The following AHI1 variants were observed in gnomAD, a reference collection of about 807,000 sequenced individuals.
AHI1 encodes the protein jouberin.
In AHI1, 123 loss-of-function variants were observed where a neutral mutation model predicts 149.3. The observed-to-expected ratio is 0.82, with a 90% CI of 0.71 to 0.96. AHI1 has a LOEUF of 0.96. AHI1 is among the 40% of genes least tolerant of loss of function. The pLI, the probability that AHI1 is intolerant of heterozygous loss-of-function variation, is 0.00. For synonymous variants in AHI1, 475 were observed against 459.8 expected, an observed-to-expected ratio of 1.03 and a Z score of -0.42; for missense variants, 1,439 against 1,422.7, an observed-to-expected ratio of 1.01 and a Z score of -0.18.
chr6:135,438,757 C>T (rs992436608), intron 14 of AHI1, among the ~76,000 whole-genome samples: 2 of 151,972 alleles, frequency 1.3e-5, no homozygotes, highest in Non-Finnish European at 2.9e-5. Flanking sequence ...AAGAAATCCC[C>T]TAAGAATCTT....
intron 24 of AHI1, among the ~76,000 whole-genome samples, chr6:135,334,003 T>C (rs1788993787): frequency 6.6e-6 from 1 of 152,222 alleles, no homozygotes; most frequent in African/African-American, 2.4e-5. Context: ...TGCAATAATA[T>C]ATAGGAAAAG....
At chr6:135,289,968 T>A (rs1010510346) in intron 28 of AHI1, among the ~76,000 whole-genome samples, 2 of 151,602 alleles carry the variant, frequency 1.3e-5, no homozygotes, top group African/African-American at 4.9e-5. Context: ...TGGCCCACTC[T>A]TGAGCTGTAA....
At position 135,433,259 on chromosome 6, in the gene AHI1, G is replaced by C. The variant is rs1206317271; in HGVS notation, c.2037-3C>G. The C allele has an allele frequency of 1.9e-6, 3 of 1,582,224 alleles. No homozygotes were observed. In the Admixed American group the frequency reaches 5.0e-5, roughly 27 times the overall value. ...TGTTTATTTCATTTTTCCATATCCT[G>C]GAAAAGGATAAGAAGTTACATATTG... On this transcript the variant is annotated splice_polypyrimidine_tract_variant and splice_region_variant and intron_variant, in intron 15 of 28. Coordinates refer to ENST00000265602, the MANE Select transcript of AHI1 (RefSeq NM_001134831.2).
At chr6:135,306,093 A>G (rs1784503918) in intron 26 of AHI1, among the ~76,000 whole-genome samples, 1 of 152,250 alleles carries the variant, frequency 6.6e-6, no homozygotes, top group Non-Finnish European at 1.5e-5. Flanking sequence ...TGCAAGGACT[A>G]TTTTTGTTTT....
chr6:135,404,911 T>C, intron 22 of AHI1, 40 bp downstream of exon 22: 2 of 1,585,964 alleles, frequency 1.3e-6, no homozygotes, highest in South Asian at 2.2e-5. Context: ...AGCATCACTA[T>C]ACCTTTGAAG....
chr6:135,284,888 T>C lies in AHI1; in HGVS notation c.*757A>G, dbSNP rs1175239101. 1 of 152,194 alleles carries C rather than the reference T, an allele frequency of 6.6e-6. No homozygotes were observed. Among genetic ancestry groups the C allele is most frequent in the Non-Finnish European group, 1.5e-5 (1 of 68,042 alleles). 9.4% of individuals were successfully genotyped at this position (152,194 alleles called of 1,614,324 possible). ...ATATTCTAAAGCTGCTTATCTTTTTTGTTTTTTGGAGATAGAGTCTTGCTC... is the reference window on the plus strand; with the variant it reads ...ATATTCTAAAGCTGCTTATCTTTTTCGTTTTTTGGAGATAGAGTCTTGCTC... On this transcript the variant is annotated 3_prime_UTR_variant, in exon 29 of 29. Transcript: ENST00000265602.
intron 5 of AHI1, among the ~76,000 whole-genome samples, chr6:135,486,594 T>C (rs1258020902): frequency 1.3e-5 from 2 of 152,158 alleles, no homozygotes; most frequent in East Asian, 1.9e-4. Flanking sequence ...TATATTTATA[T>C]AGAGTTTTTT....
At chr6:135,376,024 G>C (rs1248534787) in intron 23 of AHI1, among the ~76,000 whole-genome samples, 2 of 148,942 alleles carry the variant, frequency 1.3e-5, no homozygotes, top group African/African-American at 5.0e-5. Flanking sequence ...CTCAAAAAAT[G>C]TTAGAAAAGT....
Position 135,415,034 on chromosome 6 carries a change from A to G in AHI1, c.2765-3490T>C, listed in dbSNP as rs190456991. On this transcript the variant is annotated intron_variant, in intron 20 of 28. Coordinates refer to ENST00000265602, the MANE Select transcript of AHI1 (RefSeq NM_001134831.2). ...TGTGTCCATGTGTTCTCACTGTTCA[A>G]TTCCCATCTATGAGTGAGAACATGT... 3.3e-3 allele frequency among the ~76,000 whole-genome samples: 459 copies of G among 138,592 alleles called. 3 individuals are homozygous for G. The highest frequency in any genetic ancestry group is 0.011 in the African/African-American group (419 of 36,582). The allele number at this position is 138,592 out of a possible 152,430, so 90.9% of individuals were successfully genotyped here.
intron 26 of AHI1, among the ~76,000 whole-genome samples, chr6:135,311,301 CAAAAAAAAAAAA>C (rs35950731): frequency 1.0e-4 from 8 of 79,920 alleles, no homozygotes; most frequent in African/African-American, 3.6e-4. Flanking sequence ...GACCCCGCCT[CAAAAAAAAAAAA>C]AAAAAAAAAG....
At chr6:135,473,634 G>A (rs771462784) in intron 5 of AHI1, among the ~76,000 whole-genome samples, 25 of 152,112 alleles carry the variant, frequency 1.6e-4, no homozygotes, top group Non-Finnish European at 3.5e-4. Context: ...TGATTCTTCT[G>A]ATCCATGAAC....
intron 21 of AHI1, among the ~76,000 whole-genome samples, chr6:135,405,971 G>A (rs540114744): frequency 6.6e-6 from 1 of 151,892 alleles, no homozygotes; most frequent in Admixed American, 6.6e-5. Flanking sequence ...CTAGTACAGT[G>A]CTAGTGAAAA....
Position 135,466,010 on chromosome 6 carries a change from CCTCTTCTAAATCAGT to C in AHI1, c.538_552del (p.Thr180_Glu184del). The C allele has an allele frequency of 1.9e-6, 3 of 1,613,966 alleles. No individual in the cohort carries two copies. The highest frequency in any genetic ancestry group is 2.5e-6 in the Non-Finnish European group (3 of 1,179,878). On this transcript the variant is annotated inframe_deletion, in exon 7 of 29. Coordinates refer to ENST00000265602, the MANE Select transcript of AHI1 (RefSeq NM_001134831.2). The stretch of plus-strand genomic sequence containing the variant: ...TGATATGCTTGCATCAATTCTTCAT[CCTCTTCTAAATCAGT>C]CTCTTCTCTTCCCTCATTTGCCTTC...
At chr6:135,299,193 A>T (rs9494215) in intron 27 of AHI1, among the ~76,000 whole-genome samples, 2,353 of 152,322 alleles carry the variant, frequency 0.015, 66 homozygotes, top group African/African-American at 0.054. Context: ...TTTCTAAGGT[A>T]TCTTCTAGAT....
At chr6:135,490,583 G>T in intron 5 of AHI1, 40 bp downstream of exon 5, 1 of 1,610,034 alleles carries the variant, frequency 6.2e-7, no homozygotes, top group Non-Finnish European at 8.5e-7. Context: ...CATTTTATGC[G>T]CATATGTAAA....
chr6:135,408,383 C>G (rs1011728793), intron 21 of AHI1, among the ~76,000 whole-genome samples: 19 of 151,898 alleles, frequency 1.3e-4, no homozygotes, highest in Admixed American at 1.2e-3. Flanking sequence ...CTTTTAAAAT[C>G]TGGAACAGCA....
chr6:135,364,157 G>A (rs904070661), intron 23 of AHI1, among the ~76,000 whole-genome samples: 9 of 151,002 alleles, frequency 6.0e-5, no homozygotes, highest in Non-Finnish European at 1.3e-4. Flanking sequence ...TGGGCGGAGG[G>A]GCTCCTCACT....
At chr6:135,472,318 T>C (rs1038821822) in intron 5 of AHI1, among the ~76,000 whole-genome samples, 4 of 152,216 alleles carry the variant, frequency 2.6e-5, no homozygotes, top group Admixed American at 6.5e-5. Flanking sequence ...TTTCCTTCAT[T>C]CAGCACAAAG....
intron 4 of AHI1, among the ~76,000 whole-genome samples, chr6:135,491,680 AT>A (rs1406145904): frequency 6.6e-6 from 1 of 152,216 alleles, no homozygotes; most frequent in Non-Finnish European, 1.5e-5. Flanking sequence ...CATAGTCATT[AT>A]GTTTTAAATT....
Sources: allele counts gnomAD v4.1 joint callset (sites outside exome capture counted in the v4.1 genomes callset), GRCh38; gene constraint gnomAD v4.1.1; transcripts MANE v1.5; gene names NCBI Gene and HGNC (gene_info 2026-07-23, HGNC 2026-07-21).